The following UNC13C variants were observed in gnomAD, a reference collection of about 807,000 sequenced individuals.
The protein encoded by UNC13C is protein unc-13 homolog C.
UNC13C carries 174 observed loss-of-function variants against 245.4 expected under a neutral mutation model. The ratio of observed to expected loss-of-function variants is 0.71; its 90% CI spans 0.63 to 0.80. The LOEUF (loss-of-function observed/expected upper bound fraction) is 0.80. UNC13C is among the 30% of genes least tolerant of loss of function. The pLI is 0.00. For missense variants in UNC13C, 2,829 were observed against 2,602.9 expected (o/e 1.09, Z -1.89); for synonymous variants, 992 against 895.1 (o/e 1.11, Z -1.93).
intron 25 of UNC13C, among the ~76,000 whole-genome samples, chr15:54,530,756 G>A (rs1005109408): frequency 3.9e-5 from 6 of 152,128 alleles, no homozygotes; most frequent in Non-Finnish European, 7.4e-5. Flanking sequence ...TGTCCTCAGA[G>A]AATTCTAAGA....
intron 2 of UNC13C, among the ~76,000 whole-genome samples, chr15:54,033,616 C>G (rs1459295795): frequency 6.6e-6 from 1 of 152,162 alleles, no homozygotes; most frequent in Non-Finnish European, 1.5e-5. Flanking sequence ...ATAAAATCCC[C>G]TAAAGTTTTG....
intron 2 of UNC13C, among the ~76,000 whole-genome samples, chr15:54,071,103 A>G (rs1566990138): frequency 6.6e-6 from 1 of 152,144 alleles, no homozygotes; most frequent in Non-Finnish European, 1.5e-5. Context: ...TTTAACGTGA[A>G]ATGTATGAAT....
chr15:53,932,162 A>G, the UNC13C span, among the ~76,000 whole-genome samples: 1 of 152,116 alleles, frequency 6.6e-6, no homozygotes, highest in Non-Finnish European at 1.5e-5. Context: ...TACAAAAATT[A>G]GCTGGGCGTG....
intron 24 of UNC13C, among the ~76,000 whole-genome samples, chr15:54,514,623 C>G (rs1376342205): frequency 6.6e-6 from 1 of 152,338 alleles, no homozygotes; most frequent in East Asian, 1.9e-4. Flanking sequence ...AAAGTGCTGG[C>G]TGCTTACAGG....
chr15:53,838,120 A>G, the UNC13C span, among the ~76,000 whole-genome samples: 4 of 152,120 alleles, frequency 2.6e-5, no homozygotes, highest in Admixed American at 6.6e-5. Context: ...CCATGAAAAT[A>G]TCTTGTTGGG....
intron 19 of UNC13C, among the ~76,000 whole-genome samples, chr15:54,482,767 T>A (rs1024404559): frequency 6.7e-5 from 10 of 150,120 alleles, no homozygotes; most frequent in African/African-American, 2.5e-4. Flanking sequence ...ATATTGCCAA[T>A]TTTTCCCTAA....
intron 19 of UNC13C, among the ~76,000 whole-genome samples, chr15:54,421,995 C>T (rs958407095): frequency 2.6e-5 from 4 of 151,962 alleles, no homozygotes; most frequent in African/African-American, 9.7e-5. Flanking sequence ...AGATTTAAAT[C>T]AGTGATATGG....
intron 11 of UNC13C, among the ~76,000 whole-genome samples, chr15:54,295,620 C>T (rs934004105): frequency 6.6e-6 from 1 of 151,682 alleles, no homozygotes; most frequent in Non-Finnish European, 1.5e-5. Context: ...GCCACTGCAT[C>T]CCAGCCTGGG....
intron 4 of UNC13C, among the ~76,000 whole-genome samples, chr15:54,182,906 A>G (rs1469477002): frequency 6.6e-6 from 1 of 152,100 alleles, no homozygotes; most frequent in Non-Finnish European, 1.5e-5. Context: ...AATAAAATAA[A>G]TGAAAACAGT....
At chr15:54,156,262 T>A (rs927030893) in intron 4 of UNC13C, among the ~76,000 whole-genome samples, 1 of 152,126 alleles carries the variant, frequency 6.6e-6, no homozygotes, top group Non-Finnish European at 1.5e-5. Context: ...CTTTGAGAAT[T>A]TTTACACAAC....
chr15:53,927,919 G>T, the UNC13C span, among the ~76,000 whole-genome samples: 4 of 152,142 alleles, frequency 2.6e-5, no homozygotes, highest in Non-Finnish European at 4.4e-5. Context: ...GATAGAATGC[G>T]CAAAATTATA....
At chr15:54,430,457 AT>A (rs201675952) in intron 19 of UNC13C, among the ~76,000 whole-genome samples, 3 of 150,396 alleles carry the variant, frequency 2.0e-5, no homozygotes, top group South Asian at 4.2e-4. Context: ...ATATGTTTGG[AT>A]TTTTTTTTGC....
At chr15:54,074,851 T>C (rs1014695560) in intron 2 of UNC13C, among the ~76,000 whole-genome samples, 62 of 145,858 alleles carry the variant, frequency 4.3e-4, no homozygotes, top group African/African-American at 1.5e-3. Flanking sequence ...TCTCTTCCTA[T>C]TTGAATACCC....
chr15:54,488,190 T>A (rs1290998710), intron 19 of UNC13C, among the ~76,000 whole-genome samples: 1 of 152,240 alleles, frequency 6.6e-6, no homozygotes, highest in East Asian at 1.9e-4. Context: ...ACCTTGGAAA[T>A]GCTTACGTGT....
chr15:54,108,197 T>C (rs1900548494), intron 2 of UNC13C, among the ~76,000 whole-genome samples: 1 of 152,138 alleles, frequency 6.6e-6, no homozygotes, highest in Admixed American at 6.5e-5. Flanking sequence ...ATAATACTTT[T>C]TTTTTTTGAA....
At chr15:54,518,379 G>A (rs908545362) in intron 24 of UNC13C, among the ~76,000 whole-genome samples, 1 of 152,080 alleles carries the variant, frequency 6.6e-6, no homozygotes, top group Non-Finnish European at 1.5e-5. Flanking sequence ...AGCTCACAGG[G>A]TTACTCATAT....
At chr15:54,015,956 T>C (rs947437882) in intron 2 of UNC13C, 70 bp downstream of exon 2, 1 of 1,295,906 alleles carries the variant, frequency 7.7e-7, no homozygotes, top group Non-Finnish European at 1.0e-6. Context: ...CTTTAGAGCA[T>C]GCTCTGTGTT....
intron 14 of UNC13C, among the ~76,000 whole-genome samples, chr15:54,325,857 A>G (rs1463065581): frequency 3.3e-5 from 5 of 152,090 alleles, no homozygotes; most frequent in Admixed American, 1.3e-4. Flanking sequence ...AGGTTTTTCC[A>G]TATAAAAAGA....
the UNC13C span, among the ~76,000 whole-genome samples, chr15:53,917,886 A>T: frequency 1.3e-5 from 2 of 152,266 alleles, no homozygotes; most frequent in Admixed American, 1.3e-4. Flanking sequence ...CTAAATTTTT[A>T]GTAACTTAAA....
Sources: gnomAD v4.1 joint callset for allele counts (sites outside exome capture counted in the v4.1 genomes callset) on GRCh38, gnomAD v4.1.1 for gene constraint, MANE v1.5 for transcripts, NCBI Gene and HGNC (gene_info 2026-07-23, HGNC 2026-07-21) for gene names.